The following ADK variants were observed in gnomAD, a reference collection of about 807,000 sequenced individuals.
The protein encoded by ADK is N6,N6-dimethyladenosine kinase.
In ADK, 24 loss-of-function variants were observed where a neutral mutation model predicts 44.7. The ratio of observed to expected loss-of-function variants is 0.54; its 90% CI spans 0.39 to 0.76. ADK has a LOEUF of 0.76. Among genes scored for constraint, ADK ranks in the 30% least tolerant of loss-of-function variants. The pLI, the probability that ADK is intolerant of heterozygous loss-of-function variation, is 0.00. For missense variants in ADK, 321 were observed against 425.1 expected (o/e 0.76, Z 2.15); for synonymous variants, 128 against 142.6 (o/e 0.90, Z 0.73).
chr10:74,215,458 C>T (rs538278640), intron 2 of ADK, among the ~76,000 whole-genome samples: 27 of 151,234 alleles, frequency 1.8e-4, no homozygotes, highest in African/African-American at 6.6e-4. Context: ...CCACAGGCGC[C>T]TGCCACCACG....
chr10:74,620,185 A>C (rs1852936429), intron 9 of ADK, among the ~76,000 whole-genome samples: 2 of 152,198 alleles, frequency 1.3e-5, no homozygotes, highest in South Asian at 2.1e-4. Context: ...TAGTTATCCT[A>C]CATTGCTGTA....
At chr10:74,591,547 TATA>T (rs1168146249) in intron 8 of ADK, among the ~76,000 whole-genome samples, 1 of 152,196 alleles carries the variant, frequency 6.6e-6, no homozygotes, top group Admixed American at 6.5e-5. Flanking sequence ...TCAATGATTT[TATA>T]ATGTCACTAA....
At chr10:74,594,192 G>C (rs978701393) in intron 8 of ADK, among the ~76,000 whole-genome samples, 2 of 151,784 alleles carry the variant, frequency 1.3e-5, no homozygotes, top group Admixed American at 6.6e-5. Flanking sequence ...GTTGTGGGGT[G>C]GGGGGTTGGG....
At chr10:74,574,454 C>T (rs919683378) in intron 7 of ADK, among the ~76,000 whole-genome samples, 1 of 152,192 alleles carries the variant, frequency 6.6e-6, no homozygotes. Flanking sequence ...CAGGCATGAG[C>T]CACTGTGCCT....
chr10:74,550,477 C>G (rs1324736795), intron 7 of ADK, among the ~76,000 whole-genome samples: 1 of 152,110 alleles, frequency 6.6e-6, no homozygotes, highest in Non-Finnish European at 1.5e-5. Flanking sequence ...TTATCACTTG[C>G]CCAGATTATT....
intron 4 of ADK, among the ~76,000 whole-genome samples, chr10:74,387,649 T>C (rs752601473): frequency 2.0e-5 from 3 of 152,202 alleles, no homozygotes; most frequent in East Asian, 1.9e-4. Flanking sequence ...TCCACTGCAG[T>C]TGATCTCTCT....
intron 1 of ADK, among the ~76,000 whole-genome samples, chr10:74,185,756 A>T (rs1842730521): frequency 1.2e-5 from 1 of 80,690 alleles, no homozygotes; most frequent in South Asian, 3.1e-4. Flanking sequence ...GAATGCCGTG[A>T]ACCCGGGAGG....
intron 6 of ADK, among the ~76,000 whole-genome samples, chr10:74,455,576 C>G (rs1318949557): frequency 6.6e-6 from 1 of 151,960 alleles, no homozygotes; most frequent in African/African-American, 2.4e-5. Flanking sequence ...GTGGCATGAT[C>G]TCGGCTCAGT....
chr10:74,558,293 C>G (rs1248708569), intron 7 of ADK, among the ~76,000 whole-genome samples: 1 of 152,174 alleles, frequency 6.6e-6, no homozygotes, highest in Non-Finnish European at 1.5e-5. Flanking sequence ...GAACTCCTGG[C>G]CTCAGGCAAT....
At chr10:74,527,309 C>T (rs1396133099) in intron 7 of ADK, among the ~76,000 whole-genome samples, 3 of 151,608 alleles carry the variant, frequency 2.0e-5, no homozygotes, top group Admixed American at 6.6e-5. Context: ...TGCAGTGAGC[C>T]GAGATCGCGC....
At chr10:74,276,551 G>C (rs1846686868) in intron 3 of ADK, among the ~76,000 whole-genome samples, 1 of 152,164 alleles carries the variant, frequency 6.6e-6, no homozygotes, top group Admixed American at 6.5e-5. Flanking sequence ...GATACAGTGT[G>C]TCTCACTCAG....
intron 6 of ADK, among the ~76,000 whole-genome samples, chr10:74,434,889 G>T (rs575100875): frequency 6.6e-6 from 1 of 152,250 alleles, no homozygotes; most frequent in South Asian, 2.1e-4. Context: ...CATTGAACAG[G>T]GAATGGATGA....
intron 7 of ADK, among the ~76,000 whole-genome samples, chr10:74,528,906 G>A (rs1167859563): frequency 1.3e-5 from 2 of 152,156 alleles, no homozygotes; most frequent in African/African-American, 4.8e-5. Flanking sequence ...GGAAACACTT[G>A]TGTATTGCTG....
At chr10:74,449,556 A>T (rs2395092) in intron 6 of ADK, among the ~76,000 whole-genome samples, 92,175 of 152,070 alleles carry the variant, frequency 0.61, 30,334 homozygotes, top group Middle Eastern at 0.78. Context: ...TTTTTATTTT[A>T]AATTTTTGAG....
intron 3 of ADK, among the ~76,000 whole-genome samples, chr10:74,274,278 A>G (rs1305212256): frequency 6.6e-6 from 1 of 152,042 alleles, no homozygotes; most frequent in Non-Finnish European, 1.5e-5. Flanking sequence ...TAAGAAAATC[A>G]TGGCCGGGCG....
rs138825378 is a variant in ADK, at chr10:74,258,214, T to C, written c.194+33623T>C. Among the ~76,000 whole-genome samples the C allele has an allele frequency of 7.9e-5, 12 of 152,290 alleles. No homozygotes were observed. In the East Asian group the frequency reaches 2.3e-3, roughly 29 times the overall value. On this transcript the variant is annotated intron_variant, in intron 3 of 10. Transcript: ENST00000539909. ...ATATTATTAGATGTATTCTTTTATT[T>C]GCTTACATAAGTTGGCATCACTTAC...
intron 1 of ADK, among the ~76,000 whole-genome samples, chr10:74,180,456 C>CTTTTTT (rs1199684944): frequency 1.5e-5 from 1 of 68,246 alleles, no homozygotes; most frequent in African/African-American, 6.8e-5. Flanking sequence ...CCAGGCTAGT[C>CTTTTTT]TTTTTTTTTT....
intron 6 of ADK, among the ~76,000 whole-genome samples, chr10:74,516,302 G>A (rs1244372320): frequency 6.6e-6 from 1 of 152,064 alleles, no homozygotes; most frequent in South Asian, 2.1e-4. Flanking sequence ...ATGGGACCAC[G>A]AGTTTGAGTG....
intron 2 of ADK, among the ~76,000 whole-genome samples, chr10:74,201,622 G>T (rs2132154140): frequency 6.6e-6 from 1 of 152,010 alleles, no homozygotes; most frequent in African/African-American, 2.4e-5. Flanking sequence ...AAAACAGTGT[G>T]TGTGTGTTTG....
Sources: allele counts gnomAD v4.1 joint callset (sites outside exome capture counted in the v4.1 genomes callset), GRCh38; gene constraint gnomAD v4.1.1; transcripts MANE v1.5; gene names NCBI Gene and HGNC (gene_info 2026-07-23, HGNC 2026-07-21).